Variants in PCDHA2 observed in about 807,000 individuals in gnomAD.
PCDHA2 encodes the protein protocadherin alpha-2.
A neutral mutation model predicts 66.0 loss-of-function variants in PCDHA2; 58 were observed. The ratio of observed to expected loss-of-function variants is 0.88; its 90% confidence interval spans 0.71 to 1.09. The LOEUF (loss-of-function observed/expected upper bound fraction) is 1.09. Among genes scored for constraint, PCDHA2 ranks in the 50% least tolerant of loss-of-function variants. The probability of loss-of-function intolerance (pLI) is 0.00; values close to 1 mark genes in which losing one functional copy is unlikely to be tolerated. For synonymous variants in PCDHA2, 634 were observed against 554.0 expected (o/e 1.14, Z -2.03); for missense variants, 1,267 against 1,242.3 (o/e 1.02, Z -0.30).
intron 1 of PCDHA2, among the ~76,000 whole-genome samples, chr5:140,818,459 C>G (rs1271079374): frequency 6.6e-6 from 1 of 152,184 alleles, no homozygotes; most frequent in African/African-American, 2.4e-5. Context: ...TCAAAAGAAA[C>G]TTTCCTCCCA....
chr5:140,805,421 G>A (rs1175718438), intron 1 of PCDHA2: 8 of 1,062,146 alleles, frequency 7.5e-6, no homozygotes, highest in Non-Finnish European at 9.1e-6. Flanking sequence ...TGGGTTTTTT[G>A]TTGTTGTTTT....
At chr5:140,871,682 A>C (rs1207167654) in intron 1 of PCDHA2, 1 of 1,103,566 alleles carries the variant, frequency 9.1e-7, no homozygotes, top group Non-Finnish European at 1.3e-6. Context: ...TCATATGAAT[A>C]ATCTGGCTTC....
At chr5:140,905,298 T>A (rs1171619023) in intron 1 of PCDHA2, among the ~76,000 whole-genome samples, 2 of 152,218 alleles carry the variant, frequency 1.3e-5, no homozygotes, top group African/African-American at 2.4e-5. Context: ...TAAGGTGTCC[T>A]TTCCACACTT....
rs137893224 is a variant in PCDHA2, at chr5:140,796,863, G to A, written c.1899G>A (p.Thr633=). The stretch of plus-strand genomic sequence containing the variant: ...GGCTATACACGGGTGAGATCAGCAC[G>A]ACACGTGCCCTAGACGAGGCTGACT... ...RVGLYTGEIS[T]TRALDEADSP... Residue 633 remains threonine, a synonymous_variant, in exon 1 of 4, where the codon ACG becomes ACA. Coordinates refer to ENST00000526136, the MANE Select transcript of PCDHA2 (RefSeq NM_018905.3). 1.2e-6 allele frequency: 2 copies of A among 1,613,954 alleles called. No individual in the cohort carries two copies. Among genetic ancestry groups the A allele is most frequent in the South Asian group, 1.1e-5 (1 of 91,088 alleles).
intron 3 of PCDHA2, among the ~76,000 whole-genome samples, chr5:141,004,025 A>G (rs191768123): frequency 1.3e-5 from 2 of 152,316 alleles, no homozygotes; most frequent in Non-Finnish European, 2.9e-5. Context: ...AAGAAGAAAC[A>G]TTTCCTTGAT....
At chr5:140,821,291 C>T (rs1237221599) in intron 1 of PCDHA2, among the ~76,000 whole-genome samples, 2 of 152,082 alleles carry the variant, frequency 1.3e-5, no homozygotes, top group Non-Finnish European at 2.9e-5. Context: ...ATATAAACTC[C>T]TCCCTATATA....
chr5:140,856,858 AGG>A, intron 1 of PCDHA2: 1 of 1,594,634 alleles, frequency 6.3e-7, no homozygotes, highest in Non-Finnish European at 8.6e-7. Context: ...ATTCGGATGA[AGG>A]AATAAACAAG....
chr5:140,856,314 T>C (rs2043919733), intron 1 of PCDHA2: 1 of 1,598,440 alleles, frequency 6.3e-7, no homozygotes, highest in African/African-American at 1.3e-5. Context: ...AATTCTCGGA[T>C]TGACCGCGAG....
At chr5:140,865,558 T>C (rs991717581) in intron 1 of PCDHA2, 1 of 152,224 alleles carries the variant, frequency 6.6e-6, no homozygotes, top group Non-Finnish European at 1.5e-5. Flanking sequence ...AGAGCCAATA[T>C]TGATCAGTAA....
At chr5:140,807,394 G>A (rs3822355) in intron 1 of PCDHA2, 374,073 of 969,126 alleles carry the variant, frequency 0.39, 145,278 homozygotes, top group South Asian at 0.46. Context: ...TGGCGTCCAA[G>A]GGCCGCGGAG....
At chr5:140,804,810 A>C (rs1763463780) in intron 1 of PCDHA2, 1 of 314,220 alleles carries the variant, frequency 3.2e-6, no homozygotes, top group African/African-American at 2.1e-5. Context: ...AATAGTAACC[A>C]ACTGAAACCT....
intron 1 of PCDHA2, chr5:140,834,464 G>A (rs2150218984): frequency 2.5e-6 from 4 of 1,614,188 alleles, no homozygotes; most frequent in East Asian, 4.5e-5. Context: ...GGGAGGCAGG[G>A]AGAGGCCAGC....
At position 140,843,553 on chromosome 5, in the gene PCDHA2, G is replaced by A. The variant is rs1275122592; in HGVS notation, c.2388+46201G>A. On this transcript the variant is annotated intron_variant, in intron 1 of 3. Coordinates refer to ENST00000526136, the MANE Select transcript of PCDHA2 (RefSeq NM_018905.3). ...AGCCCACTCTGGTGTGCTCCAGTGC[G>A]GTGGGGAGCTGGTCATACTCGCAAC... 15 of 1,595,808 alleles carry A rather than the reference G, an allele frequency of 9.4e-6. 2 individuals carry two copies. The highest frequency in any genetic ancestry group is 2.2e-5 in the South Asian group (2 of 90,502).
At chr5:140,894,527 G>T (rs1184887485) in intron 1 of PCDHA2, among the ~76,000 whole-genome samples, 1 of 151,472 alleles carries the variant, frequency 6.6e-6, no homozygotes, top group African/African-American at 2.4e-5. Flanking sequence ...ATGCTGTTAT[G>T]TGCCTTCTGG....
chr5:140,849,800 G>A, intron 1 of PCDHA2: 1 of 1,598,514 alleles, frequency 6.3e-7, no homozygotes, highest in African/African-American at 1.3e-5. Context: ...CGCCTTCACT[G>A]TGGGCCACGG....
intron 1 of PCDHA2, among the ~76,000 whole-genome samples, chr5:140,879,471 T>C (rs1320951448): frequency 1.3e-5 from 2 of 152,154 alleles, no homozygotes; most frequent in Non-Finnish European, 2.9e-5. Context: ...AGAATACCGT[T>C]GTGATTGGAA....
chr5:140,830,257 G>A (rs1581901410), intron 1 of PCDHA2: 3 of 1,613,692 alleles, frequency 1.9e-6, no homozygotes, highest in Non-Finnish European at 1.7e-6. Context: ...CAGCGCTGCG[G>A]TGCTCGGCGC....
intron 3 of PCDHA2, among the ~76,000 whole-genome samples, chr5:141,008,262 G>T (rs1178355094): frequency 6.6e-6 from 1 of 152,198 alleles, no homozygotes; most frequent in Non-Finnish European, 1.5e-5. Flanking sequence ...AGGAGACTGA[G>T]AAGTAATAGG....
rs200308248 is a variant in PCDHA2 at position 140,834,522 on chromosome 5, C to T, written c.2388+37170C>T. The T allele has an allele frequency of 9.3e-5, 150 of 1,614,068 alleles. No homozygotes were observed. In the East Asian group the frequency reaches 2.3e-3, roughly 24 times the overall value. The stretch of plus-strand genomic sequence containing the variant: ...GGCTAAACATGGCAACTTCGTGGGC[C>T]GCATCGCGCAGGACCTGGGGCTGGA... On this transcript the variant is annotated intron_variant, in intron 1 of 3. Transcript: ENST00000526136.
Sources: allele counts gnomAD v4.1 joint callset (sites outside exome capture counted in the v4.1 genomes callset), GRCh38; gene constraint gnomAD v4.1.1; transcripts MANE v1.5; gene names NCBI Gene and HGNC (gene_info 2026-07-23, HGNC 2026-07-21).